The following PPP2R1B variants were observed in gnomAD, a reference collection of about 807,000 sequenced individuals.
PPP2R1B encodes the protein protein phosphatase 2 scaffold subunit Abeta, also known as serine/threonine-protein phosphatase 2A 65 kDa regulatory subunit A beta isoform.
Under a neutral mutation model 72.7 loss-of-function variants are expected in PPP2R1B, and 58 were observed. That is an observed-to-expected ratio of 0.80 (90% confidence interval 0.65 to 0.99). The LOEUF (loss-of-function observed/expected upper bound fraction) is 0.99. Among genes scored for constraint, PPP2R1B ranks in the 50% least tolerant of loss-of-function variants. The pLI, the probability that PPP2R1B is intolerant of heterozygous loss-of-function variation, is 0.00. For synonymous variants in PPP2R1B, 256 were observed against 264.6 expected (o/e 0.97, Z 0.32); for missense variants, 695 against 733.6 (o/e 0.95, Z 0.61).
At chr11:111,752,041 C>T in intron 10 of PPP2R1B, 118 bp downstream of exon 10, 1 of 1,124,386 alleles carries the variant, frequency 8.9e-7, no homozygotes, top group Non-Finnish European at 1.3e-6. Flanking sequence ...AAGAACAAGG[C>T]CATACTTTCA....
At chr11:111,720,716 G>A in the PPP2R1B span, 3 of 1,610,968 alleles carry the variant, frequency 1.9e-6, no homozygotes, top group African/African-American at 4.0e-5. Context: ...GGTCTCCAGT[G>A]AGCTTCAGAG....
intron 1 of PPP2R1B, 130 bp downstream of exon 1, chr11:111,766,118 C>A (rs1215274378): frequency 2.4e-6 from 2 of 826,648 alleles, no homozygotes; most frequent in Non-Finnish European, 3.9e-6. Context: ...TCCCCGCCTC[C>A]CCTTCAAGTT....
At chr11:111,733,820 C>T (rs1167624335), downstream of PPP2R1B, among the ~76,000 whole-genome samples, 2 of 152,146 alleles carry the variant, frequency 1.3e-5, no homozygotes, top group African/African-American at 4.8e-5. Context: ...GGCAGGCAGG[C>T]AGTGGAAGGG....
chr11:111,723,775 G>A, downstream of PPP2R1B: 2 of 1,613,960 alleles, frequency 1.2e-6, no homozygotes, highest in East Asian at 4.5e-5. Flanking sequence ...CCGGTCCCCG[G>A]GCTGCTCCTC....
At chr11:111,713,649 C>T in the PPP2R1B span, among the ~76,000 whole-genome samples, 18 of 152,240 alleles carry the variant, frequency 1.2e-4, no homozygotes, top group Admixed American at 5.9e-4. Context: ...TGAAAGACAG[C>T]GCCAGGTGCT....
intron 5 of PPP2R1B, among the ~76,000 whole-genome samples, chr11:111,756,223 G>GAAA (rs201724599): frequency 5.6e-5 from 8 of 142,140 alleles, no homozygotes; most frequent in African/African-American, 7.8e-5. Flanking sequence ...AAACAAAAAG[G>GAAA]AAAAAAAAAA....
chr11:111,731,026 A>C (rs1300916575), intron 15 of PPP2R1B, among the ~76,000 whole-genome samples: 1 of 152,228 alleles, frequency 6.6e-6, no homozygotes, highest in African/African-American at 2.4e-5. Flanking sequence ...AGCAGGGTAA[A>C]TAATACCTTG....
At chr11:111,758,840 CATTT>C (rs1341983001) in intron 5 of PPP2R1B, among the ~76,000 whole-genome samples, 1 of 151,952 alleles carries the variant, frequency 6.6e-6, no homozygotes, top group African/African-American at 2.4e-5. Flanking sequence ...TCATTTTGTA[CATTT>C]ATTATTAGAA....
the PPP2R1B span, among the ~76,000 whole-genome samples, chr11:111,692,387 A>AAC: frequency 8.8e-6 from 1 of 113,402 alleles, no homozygotes; most frequent in African/African-American, 3.1e-5. Context: ...AAAAAAAAAA[A>AAC]ACACAAAAAG....
At chr11:111,746,062 A>G (rs1286665838) in intron 11 of PPP2R1B, among the ~76,000 whole-genome samples, 1 of 152,260 alleles carries the variant, frequency 6.6e-6, no homozygotes, top group Non-Finnish European at 1.5e-5. Context: ...AAGAGGAAGG[A>G]GTAATCAAGT....
At chr11:111,725,615 TAAGCACAAAGCATCTTCCTTA>T (rs1470448326), downstream of PPP2R1B, 1 of 152,704 alleles carries the variant, frequency 6.5e-6, no homozygotes, top group African/African-American at 2.4e-5. Context: ...ATGAATGTGT[TAAGCACAAAGCATCTTCCTTA>T]AAGCACAAAG....
At chr11:111,709,237 C>G in the PPP2R1B span, among the ~76,000 whole-genome samples, 8 of 152,164 alleles carry the variant, frequency 5.3e-5, no homozygotes, top group Non-Finnish European at 1.2e-4. Context: ...AGAAAGATCT[C>G]TGGTGTCTCT....
At chr11:111,733,851 G>A (rs1326078870), downstream of PPP2R1B, among the ~76,000 whole-genome samples, 1 of 152,172 alleles carries the variant, frequency 6.6e-6, no homozygotes, top group Non-Finnish European at 1.5e-5. Context: ...GAGAGGGCCA[G>A]GCAAGGAGGG....
the PPP2R1B span, among the ~76,000 whole-genome samples, chr11:111,704,831 A>T: frequency 1.3e-5 from 2 of 152,214 alleles, no homozygotes; most frequent in South Asian, 2.1e-4. Context: ...TCTGCCTTCC[A>T]GTCACATTTT....
downstream of PPP2R1B, chr11:111,726,730 A>T: frequency 7.5e-6 from 4 of 532,514 alleles, no homozygotes; most frequent in Non-Finnish European, 1.3e-5. Flanking sequence ...AACACTAAGA[A>T]GGCTTAGTAT....
the PPP2R1B span, among the ~76,000 whole-genome samples, chr11:111,711,527 G>T: frequency 1.3e-5 from 2 of 152,200 alleles, no homozygotes; most frequent in Admixed American, 1.3e-4. Context: ...TCTATAGTGG[G>T]TTGACTTCAA....
At chr11:111,723,112 CTAG>C (rs1003315376), downstream of PPP2R1B, among the ~76,000 whole-genome samples, 1 of 152,174 alleles carries the variant, frequency 6.6e-6, no homozygotes, top group African/African-American at 2.4e-5. Context: ...CACAGCCTCG[CTAG>C]TAGAAGCAGC....
chr11:111,721,203 C>T, the PPP2R1B span: 13 of 1,033,172 alleles, frequency 1.3e-5, no homozygotes, highest in Non-Finnish European at 1.8e-5. Flanking sequence ...GCTTCTTTGC[C>T]TTGTTGCTGC....
At chr11:111,766,148 A>C in intron 1 of PPP2R1B, 100 bp downstream of exon 1, 2 of 1,158,352 alleles carry the variant, frequency 1.7e-6, no homozygotes, top group East Asian at 2.5e-5. Context: ...AGTCCGACTC[A>C]TTCAGTACCT....
Sources: allele counts gnomAD v4.1 joint callset (sites outside exome capture counted in the v4.1 genomes callset), GRCh38; gene constraint gnomAD v4.1.1; transcripts MANE v1.5; gene names NCBI Gene and HGNC (gene_info 2026-07-23, HGNC 2026-07-21).